Variants in SDR42E2 observed in about 807,000 individuals in gnomAD.
The protein encoded by SDR42E2 is short chain dehydrogenase/reductase family 42E, member 2.
SDR42E2 carries 20 observed loss-of-function variants against 10.5 expected under a neutral mutation model. The ratio of observed to expected loss-of-function variants is 1.90; its 90% CI spans 1.34 to 2.77. SDR42E2 has a LOEUF of 2.77. Among genes scored for constraint, SDR42E2 ranks in the 30% most tolerant of loss-of-function variants. The pLI is 0.00. For synonymous variants in SDR42E2, 72 were observed against 39.2 expected, an observed-to-expected ratio of 1.84 and a Z score of -3.12; for missense variants, 162 against 104.2, an observed-to-expected ratio of 1.55 and a Z score of -2.42.
chr16:22,168,108 T>C (rs575336223), intron 4 of SDR42E2, among the ~76,000 whole-genome samples: 1 of 151,982 alleles, frequency 6.6e-6, no homozygotes, highest in African/African-American at 2.4e-5. Flanking sequence ...CAAGAATAAA[T>C]ATAGAGCCAG....
intron 8 of SDR42E2, among the ~76,000 whole-genome samples, chr16:22,180,734 T>A (rs1287467402): frequency 6.6e-6 from 1 of 151,932 alleles, no homozygotes; most frequent in Admixed American, 6.6e-5. Flanking sequence ...TGGCCCGGCA[T>A]GGTGGCTCAC....
intron 1 of SDR42E2, 53 bp from the exon 2 acceptor site, chr16:22,165,494 A>T: frequency 2.5e-6 from 1 of 399,998 alleles, no homozygotes; most frequent in Admixed American, 4.4e-5. Flanking sequence ...CTAATAATTT[A>T]TGTGACTTGA....
chr16:22,187,717 A>C (rs1227116351), intron 12 of SDR42E2, among the ~76,000 whole-genome samples: 1 of 152,082 alleles, frequency 6.6e-6, no homozygotes, highest in African/African-American at 2.4e-5. Context: ...ATGCAGGTTT[A>C]TATTTGCTTA....
At chr16:22,185,794 T>C (rs182732416) in intron 11 of SDR42E2, among the ~76,000 whole-genome samples, 5 of 152,160 alleles carry the variant, frequency 3.3e-5, no homozygotes, top group Admixed American at 6.6e-5. Flanking sequence ...TTAGTAGAGA[T>C]GGGGGTCTTG....
At chr16:22,175,672 C>A (rs990014092) in intron 7 of SDR42E2, among the ~76,000 whole-genome samples, 2 of 151,592 alleles carry the variant, frequency 1.3e-5, no homozygotes, top group Non-Finnish European at 2.9e-5. Flanking sequence ...CAGAGTGAGA[C>A]CCTGTCTCTA....
chr16:22,190,802 A>G lies in SDR42E2; in HGVS notation c.*409A>G, dbSNP rs1271987419. ...ATTGGGCACGCCTTCTTCCCCGCTC[A>G]CTGATTTCCTGGCCTAGCCCCTGAG... is the stretch of plus-strand genomic sequence containing the variant. On this transcript the variant is annotated 3_prime_UTR_variant, in exon 13 of 13. Coordinates refer to ENST00000602312, the MANE Select transcript of SDR42E2 (RefSeq NM_001394319.2). 6.0e-6 allele frequency: 1 copy of G among 166,548 alleles called. No individual in the cohort carries two copies. The highest frequency in any genetic ancestry group is 1.2e-5 in the Non-Finnish European group (1 of 80,158). The allele number at this position is 166,548 out of a possible 1,614,324, so 10.3% of individuals were successfully genotyped here.
In SDR42E2 at chr16:22,174,956, G is replaced by A. The variant is rs75319393; in HGVS notation, c.589+2625G>A. On this transcript the variant is annotated intron_variant, in intron 7 of 12. Transcript: ENST00000602312. ...AGGAGTCCCGCTGCAGTCACCTGGG[G>A]TCATTTCCACTCCCTACTATCCAAG... Among the ~76,000 whole-genome samples the A allele has an allele frequency of 9.2e-3, 1,403 of 152,176 alleles. 21 individuals carry two copies. The highest frequency in any genetic ancestry group is 0.032 in the African/African-American group (1,342 of 41,500).
intron 3 of SDR42E2, 90 bp downstream of exon 3, chr16:22,166,524 G>A (rs963399696): frequency 2.5e-6 from 1 of 402,740 alleles, no homozygotes; most frequent in African/African-American, 2.0e-5. Flanking sequence ...GGAGTTTAGG[G>A]GCACACTGTT....
intron 8 of SDR42E2, among the ~76,000 whole-genome samples, chr16:22,179,728 G>A (rs941979331): frequency 4.0e-5 from 6 of 150,904 alleles, no homozygotes; most frequent in Admixed American, 6.6e-5. Context: ...CAGGAGAATC[G>A]CTTGAACCTG....
Position 22,190,423 on chromosome 16 carries a change from G to C in SDR42E2, c.*30G>C, listed in dbSNP as rs533248787. On this transcript the variant is annotated 3_prime_UTR_variant, in exon 13 of 13. Transcript: ENST00000602312. Reference sequence around the variant, plus strand: ...CCGCCGTCCGCCGCCCGCTAGGGTCGGCCCCGCTGCACCCTCGCCCACGCC... The same window carrying C: ...CCGCCGTCCGCCGCCCGCTAGGGTCCGCCCCGCTGCACCCTCGCCCACGCC... The C allele has an allele frequency of 5.5e-3, 2,198 of 401,354 alleles. 12 individuals carry two copies. Among genetic ancestry groups the C allele is most frequent in the Non-Finnish European group, 8.3e-3 (1,895 of 227,612 alleles). The allele number at this position is 401,354 out of a possible 1,614,324, so 24.9% of individuals were successfully genotyped here. A position where few individuals can be genotyped will look rare whatever the true frequency, so the allele number is the denominator to read the frequency against.
At chr16:22,168,455 G>C (rs1192606186) in intron 4 of SDR42E2, among the ~76,000 whole-genome samples, 1 of 151,442 alleles carries the variant, frequency 6.6e-6, no homozygotes, top group Admixed American at 6.6e-5. Flanking sequence ...TAGTAGAGAT[G>C]GGGTTTTGCC....
At chr16:22,165,861 T>TGTACCTGGGCCAGGAGCTGGGTCC (rs2046531075) in intron 2 of SDR42E2, among the ~76,000 whole-genome samples, 1 of 151,780 alleles carries the variant, frequency 6.6e-6, no homozygotes, top group Non-Finnish European at 1.5e-5. Flanking sequence ...GAGCTGGGTC[T>TGTACCTGGGCCAGGAGCTGGGTCC]GTACCTGGGC....
chr16:22,166,518 T>G lies in SDR42E2; in HGVS notation c.240+84T>G. ...TTGATGTGAAACCTGTGGTGTGGAGTTTAGGGGCACACTGTTTGAAGCCAG... is the reference window on the plus strand; with the variant it reads ...TTGATGTGAAACCTGTGGTGTGGAGGTTAGGGGCACACTGTTTGAAGCCAG... On this transcript the variant is annotated intron_variant, in intron 3 of 12. Transcript: ENST00000602312. 3 of 402,034 alleles carry G rather than the reference T, an allele frequency of 7.5e-6. No homozygotes were observed. The East Asian group carries it at 1.1e-4, about 14-fold the overall frequency. The allele number at this position is 402,034 out of a possible 1,614,324, so 24.9% of individuals were successfully genotyped here. A position where few individuals can be genotyped will look rare whatever the true frequency, so the allele number is the denominator to read the frequency against.
At chr16:22,187,130 T>C (rs901007647) in intron 12 of SDR42E2, among the ~76,000 whole-genome samples, 4 of 152,150 alleles carry the variant, frequency 2.6e-5, no homozygotes, top group Non-Finnish European at 5.9e-5. Flanking sequence ...ATTCACTTCT[T>C]TGAATGCTAC....
chr16:22,190,764 A>G lies in SDR42E2; in HGVS notation c.*371A>G. 4.7e-6 allele frequency: 1 copy of G among 212,048 alleles called. No individual in the cohort carries two copies. Among genetic ancestry groups the G allele is most frequent in the Non-Finnish European group, 9.2e-6 (1 of 108,736 alleles). 13.1% of individuals were successfully genotyped at this position (212,048 alleles called of 1,614,324 possible). ...TTTCCATGTTTTGACCACGCCCTTG[A>G]CCCGCCCTTCAAATTGGGCACGCCT... On this transcript the variant is annotated 3_prime_UTR_variant, in exon 13 of 13. Transcript: ENST00000602312.
intron 7 of SDR42E2, among the ~76,000 whole-genome samples, 158 bp from the exon 8 acceptor site, chr16:22,177,968 ATGAC>A (rs778229267): frequency 1.1e-4 from 17 of 152,262 alleles, no homozygotes; most frequent in East Asian, 3.9e-4. Context: ...TGTCTGTTGA[ATGAC>A]TGACTAAGAG....
chr16:22,169,412 C>G (rs1299647189), intron 4 of SDR42E2, 33 bp from the exon 5 acceptor site: 3 of 703,226 alleles, frequency 4.3e-6, no homozygotes, highest in Non-Finnish European at 5.2e-6. Flanking sequence ...GCATGGGTAG[C>G]ACCATGACTT....
At chr16:22,186,942 GC>G (rs954546925) in intron 12 of SDR42E2, 148 bp downstream of exon 12, 1 of 396,678 alleles carries the variant, frequency 2.5e-6, no homozygotes, top group African/African-American at 2.1e-5. Context: ...TTCCATGTGG[GC>G]CCAAAGCTGG....
intron 10 of SDR42E2, among the ~76,000 whole-genome samples, chr16:22,182,913 G>A (rs2046707507): frequency 6.6e-6 from 1 of 152,076 alleles, no homozygotes; most frequent in Non-Finnish European, 1.5e-5. Context: ...GCTGAGGCGG[G>A]AGGATCTCTT....
Sources: gnomAD v4.1 joint callset for allele counts (sites outside exome capture counted in the v4.1 genomes callset) on GRCh38, gnomAD v4.1.1 for gene constraint, MANE v1.5 for transcripts, NCBI Gene and HGNC (gene_info 2026-07-23, HGNC 2026-07-21) for gene names.